The following SLC14A2 variants were observed in gnomAD, a reference collection of about 807,000 sequenced individuals.
The protein encoded by SLC14A2 is solute carrier family 14 member 2.
SLC14A2 carries 91 observed loss-of-function variants against 104.6 expected under a neutral mutation model. The ratio of observed to expected loss-of-function variants is 0.87; its 90% CI spans 0.73 to 1.04. The LOEUF is 1.04. Among genes scored for constraint, SLC14A2 ranks in the 50% least tolerant of loss-of-function variants. The pLI is 0.00. For missense variants in SLC14A2, 1,189 were observed against 1,156.0 expected (o/e 1.03, Z -0.41); for synonymous variants, 476 against 466.4 (o/e 1.02, Z -0.27).
intron 2 of SLC14A2, among the ~76,000 whole-genome samples, chr18:45,588,118 T>C (rs1172338824): frequency 1.3e-5 from 2 of 152,120 alleles, no homozygotes; most frequent in African/African-American, 4.8e-5. Flanking sequence ...AGAATTCAAA[T>C]TCTTCTATGT....
chr18:45,512,849 A>T (rs1271133119), intron 2 of SLC14A2, among the ~76,000 whole-genome samples: 1 of 152,210 alleles, frequency 6.6e-6, no homozygotes, highest in African/African-American at 2.4e-5. Flanking sequence ...CGGAATTCCC[A>T]GACATCATTT....
intron 2 of SLC14A2, among the ~76,000 whole-genome samples, chr18:45,534,637 G>T (rs557208160): frequency 6.6e-6 from 1 of 152,152 alleles, no homozygotes; most frequent in East Asian, 1.9e-4. Context: ...ACATTTTACA[G>T]ATGCTCACTC....
At chr18:45,375,519 C>A (rs937293106) in intron 1 of SLC14A2, among the ~76,000 whole-genome samples, 3 of 152,208 alleles carry the variant, frequency 2.0e-5, no homozygotes, top group African/African-American at 4.8e-5. Flanking sequence ...CTTCCCCTCA[C>A]CCACCAAGTT....
intron 1 of SLC14A2, among the ~76,000 whole-genome samples, chr18:45,473,539 C>A (rs2087293367): frequency 6.6e-6 from 1 of 152,136 alleles, no homozygotes; most frequent in African/African-American, 2.4e-5. Context: ...GTTTTTGTGT[C>A]CTCTCTTATT....
chr18:45,237,502 C>G (rs1449000549), intron 1 of SLC14A2, among the ~76,000 whole-genome samples: 3 of 152,210 alleles, frequency 2.0e-5, no homozygotes, highest in Non-Finnish European at 4.4e-5. Context: ...CTGCTAATGA[C>G]TCTGCTTTAA....
the SLC14A2 span, among the ~76,000 whole-genome samples, chr18:45,199,871 G>A: frequency 6.6e-6 from 1 of 152,102 alleles, no homozygotes; most frequent in African/African-American, 2.4e-5. Context: ...AGTAGGTTTT[G>A]GAAAAACCAT....
At chr18:45,276,816 A>G (rs1419387404) in intron 1 of SLC14A2, among the ~76,000 whole-genome samples, 2 of 152,210 alleles carry the variant, frequency 1.3e-5, no homozygotes, top group African/African-American at 4.8e-5. Context: ...AGGACAAGCT[A>G]CACCGTAAAG....
chr18:45,579,999 C>T (rs950505758), intron 2 of SLC14A2, among the ~76,000 whole-genome samples: 1 of 152,104 alleles, frequency 6.6e-6, no homozygotes, highest in Non-Finnish European at 1.5e-5. Context: ...TTGAGGTTGC[C>T]TTGAAACAAG....
intron 1 of SLC14A2, among the ~76,000 whole-genome samples, chr18:45,222,485 A>G (rs1034763085): frequency 6.6e-6 from 1 of 152,228 alleles, no homozygotes; most frequent in African/African-American, 2.4e-5. Context: ...CTAAGGGCTC[A>G]GAGGAAGGAG....
upstream of SLC14A2, among the ~76,000 whole-genome samples, chr18:45,209,256 T>C (rs554132430): frequency 3.2e-3 from 481 of 150,260 alleles, 4 homozygotes; most frequent in African/African-American, 0.011. Context: ...GGCAGCAGAA[T>C]GGCATGAACC....
intron 1 of SLC14A2, among the ~76,000 whole-genome samples, chr18:45,270,860 C>T (rs2084644094): frequency 6.6e-6 from 1 of 152,136 alleles, no homozygotes; most frequent in South Asian, 2.1e-4. Flanking sequence ...CCTAAGTCTA[C>T]AACTAGATCT....
chr18:45,242,407 T>C (rs1182133589), intron 1 of SLC14A2, among the ~76,000 whole-genome samples: 3 of 152,168 alleles, frequency 2.0e-5, no homozygotes, highest in Non-Finnish European at 4.4e-5. Context: ...GAGCAAACAA[T>C]TGGGAAACTA....
At chr18:45,430,559 ATTTTATTT>A in intron 1 of SLC14A2, among the ~76,000 whole-genome samples, 1 of 147,056 alleles carries the variant, frequency 6.8e-6, no homozygotes, top group Non-Finnish European at 1.5e-5. Flanking sequence ...ATTTTATTTT[ATTTTATTT>A]TATTATTTTA....
intron 1 of SLC14A2, among the ~76,000 whole-genome samples, chr18:45,461,346 G>A (rs1237745984): frequency 6.6e-6 from 1 of 152,178 alleles, no homozygotes; most frequent in African/African-American, 2.4e-5. Context: ...GAACCTAGGT[G>A]GATAGGAGCT....
chr18:45,496,145 T>C (rs149092300), intron 2 of SLC14A2, among the ~76,000 whole-genome samples: 376 of 152,318 alleles, frequency 2.5e-3, no homozygotes, highest in African/African-American at 8.6e-3. Flanking sequence ...TAGCGGCAAA[T>C]GTGAACAAAC....
intron 1 of SLC14A2, among the ~76,000 whole-genome samples, chr18:45,249,282 CTTT>C (rs879493629): frequency 1.4e-5 from 2 of 141,000 alleles, no homozygotes. Context: ...ATGCTCCAGC[CTTT>C]TTTTTTTTTT....
chr18:45,241,617 A>C (rs1269436803), intron 1 of SLC14A2, among the ~76,000 whole-genome samples: 1 of 117,754 alleles, frequency 8.5e-6, no homozygotes, highest in East Asian at 2.5e-4. Context: ...GACTTATTTG[A>C]TTTTCTTTTC....
the SLC14A2 span, among the ~76,000 whole-genome samples, chr18:45,187,762 T>TAA: frequency 0.23 from 35,508 of 151,122 alleles, 4,432 homozygotes; most frequent in Non-Finnish European, 0.29. Context: ...CTGCTTCTGG[T>TAA]AAAAAAATAA....
chr18:45,297,898 A>G (rs374660566), intron 1 of SLC14A2, among the ~76,000 whole-genome samples: 3 of 152,274 alleles, frequency 2.0e-5, no homozygotes, highest in East Asian at 3.9e-4. Context: ...TGAAGGAGAG[A>G]CTTTACAATC....
Sources: gnomAD v4.1 joint callset for allele counts (sites outside exome capture counted in the v4.1 genomes callset) on GRCh38, gnomAD v4.1.1 for gene constraint, MANE v1.5 for transcripts, NCBI Gene and HGNC (gene_info 2026-07-23, HGNC 2026-07-21) for gene names.